The following TRDN variants were observed in gnomAD, a reference collection of about 807,000 sequenced individuals.
TRDN encodes triadin.
A neutral mutation model predicts 149.7 loss-of-function variants in TRDN; 161 were observed. The ratio of observed to expected loss-of-function variants is 1.08; its 90% CI spans 0.95 to 1.23. The LOEUF (loss-of-function observed/expected upper bound fraction) is 1.23. Ranked by LOEUF, TRDN falls within the 50% of genes most tolerant of loss-of-function variation. The probability of loss-of-function intolerance (pLI) is 0.00; values close to 1 mark genes in which losing one functional copy is unlikely to be tolerated. For synonymous variants in TRDN, 294 were observed against 250.5 expected, an observed-to-expected ratio of 1.17 and a Z score of -1.64; for missense variants, 896 against 823.5, an observed-to-expected ratio of 1.09 and a Z score of -1.08.
At chr6:123,458,134 A>G (rs1776241167) in intron 10 of TRDN, among the ~76,000 whole-genome samples, 1 of 152,038 alleles carries the variant, frequency 6.6e-6, no homozygotes, top group Admixed American at 6.5e-5. Context: ...ACAAATGTAA[A>G]TTTTCCTGGC....
chr6:123,347,556 T>C (rs1026901513), intron 21 of TRDN, among the ~76,000 whole-genome samples: 1 of 152,066 alleles, frequency 6.6e-6, no homozygotes, highest in Non-Finnish European at 1.5e-5. Context: ...AGCAAAACTT[T>C]AAATATTGTC....
chr6:123,255,806 G>T, intron 36 of TRDN, 61 bp downstream of exon 36: 4 of 1,147,192 alleles, frequency 3.5e-6, no homozygotes, highest in South Asian at 3.8e-5. Context: ...AATACATTTT[G>T]ACTTAAAATA....
chr6:123,489,412 C>T (rs1000209684), intron 9 of TRDN: 1 of 151,964 alleles, frequency 6.6e-6, no homozygotes, highest in African/African-American at 2.4e-5. Flanking sequence ...CTATCAGGGT[C>T]CACTGGAGTC....
chr6:123,560,753 T>A (rs182459176), intron 2 of TRDN, among the ~76,000 whole-genome samples: 186 of 152,276 alleles, frequency 1.2e-3, no homozygotes, highest in African/African-American at 4.3e-3. Context: ...AGGCAAATGG[T>A]TCTTGGACCA....
At chr6:123,340,811 C>T (rs1554226212) in intron 21 of TRDN, among the ~76,000 whole-genome samples, 6 of 151,936 alleles carry the variant, frequency 3.9e-5, no homozygotes, top group Non-Finnish European at 8.8e-5. Flanking sequence ...GATAATTTCC[C>T]AGAGTGTAAC....
At chr6:123,292,646 C>A (rs1220477212) in intron 24 of TRDN, among the ~76,000 whole-genome samples, 2 of 152,220 alleles carry the variant, frequency 1.3e-5, no homozygotes, top group East Asian at 3.9e-4. Context: ...AATGGAAGGG[C>A]CCTTATCAGG....
chr6:123,464,753 GC>G, intron 10 of TRDN, 152 bp downstream of exon 10: 2 of 1,403,560 alleles, frequency 1.4e-6, no homozygotes, highest in Non-Finnish European at 1.9e-6. Context: ...GAAGCAAATT[GC>G]AATTTTAGGA....
intron 1 of TRDN, among the ~76,000 whole-genome samples, chr6:123,625,541 A>G (rs781680572): frequency 2.0e-5 from 3 of 152,200 alleles, no homozygotes; most frequent in Non-Finnish European, 4.4e-5. Flanking sequence ...TGATAGCACA[A>G]TAGTGACTAC....
In TRDN at chr6:123,636,882, G is replaced by A; in HGVS notation, c.-107C>T. 10 of 1,335,962 alleles carry A rather than the reference G, an allele frequency of 7.5e-6. No homozygotes were observed. Among genetic ancestry groups the A allele is most frequent in the Non-Finnish European group, 1.1e-5 (10 of 937,498 alleles). The allele number at this position is 1,335,962 out of a possible 1,614,324, so 82.8% of individuals were successfully genotyped here. A position where few individuals can be genotyped will look rare whatever the true frequency, so the allele number is the denominator to read the frequency against. Reference sequence around the variant, plus strand: ...GGTGGAGGGTTCTGTGTCAAAACCTGGGGGCTCTTCGTTTTCCTGGCTGTT... The same window carrying A: ...GGTGGAGGGTTCTGTGTCAAAACCTAGGGGCTCTTCGTTTTCCTGGCTGTT... On this transcript the variant is annotated 5_prime_UTR_variant, in exon 1 of 41. Coordinates refer to ENST00000334268, the MANE Select transcript of TRDN (RefSeq NM_006073.4).
At position 123,272,991 on chromosome 6, in the gene TRDN, C is replaced by T; in HGVS notation, c.1645G>A (p.Glu549Lys). The change falls in exon 29 of 41, where the codon GAA becomes AAA. Residue 549 changes from glutamate to lysine, a missense_variant. By Grantham distance (56) the Glu-to-Lys change is moderately conservative. Transcript: ENST00000334268. ...GGTTTACCATGAGAAACAGTCTTTTCTGGTTTCACTATGTCTTGTTCTGAA... is the reference window on the plus strand; with the variant it reads ...GGTTTACCATGAGAAACAGTCTTTTTTGGTTTCACTATGTCTTGTTCTGAA... ...QIHKQDIVKP[E>K]KTVSHGKPEE... 2 of 1,527,722 alleles carry T rather than the reference C, an allele frequency of 1.3e-6. No individual in the cohort carries two copies. 94.6% of individuals were successfully genotyped at this position (1,527,722 alleles called of 1,614,324 possible).
intron 40 of TRDN, among the ~76,000 whole-genome samples, chr6:123,220,400 A>T (rs750981332): frequency 2.6e-5 from 4 of 151,894 alleles, no homozygotes; most frequent in Non-Finnish European, 5.9e-5. Context: ...TGACATAGCC[A>T]CAAATTATTA....
chr6:123,522,276 A>G (rs1333021660), intron 5 of TRDN, among the ~76,000 whole-genome samples: 1 of 152,132 alleles, frequency 6.6e-6, no homozygotes, highest in African/African-American at 2.4e-5. Context: ...ATATTTAGTT[A>G]TATATTTACC....
At chr6:123,421,129 C>A (rs1310473284) in intron 12 of TRDN, among the ~76,000 whole-genome samples, 2 of 152,090 alleles carry the variant, frequency 1.3e-5, no homozygotes, top group African/African-American at 4.8e-5. Flanking sequence ...TACATGTTTT[C>A]TTTTCCTTCC....
intron 1 of TRDN, among the ~76,000 whole-genome samples, chr6:123,576,129 C>T (rs1782843071): frequency 1.3e-5 from 2 of 152,082 alleles, no homozygotes; most frequent in East Asian, 1.9e-4. Flanking sequence ...ACTTTAAGAA[C>T]ATAATTCCCA....
intron 10 of TRDN, chr6:123,445,190 A>T (rs1181312686): frequency 6.6e-6 from 1 of 151,860 alleles, no homozygotes; most frequent in Non-Finnish European, 1.5e-5. Flanking sequence ...TACTGCCACA[A>T]TTTCAGATCC....
At chr6:123,297,362 T>C (rs1475212884) in intron 24 of TRDN, among the ~76,000 whole-genome samples, 1 of 152,022 alleles carries the variant, frequency 6.6e-6, no homozygotes, top group Non-Finnish European at 1.5e-5. Flanking sequence ...AAGAGACTGT[T>C]TAGTAGCAAA....
chr6:123,469,614 T>G (rs1291931188), intron 9 of TRDN: 1 of 152,354 alleles, frequency 6.6e-6, no homozygotes, highest in Non-Finnish European at 1.5e-5. Flanking sequence ...CACTGTACTT[T>G]GCGTTTCTTT....
chr6:123,634,678 T>C (rs1465218456), intron 1 of TRDN, among the ~76,000 whole-genome samples: 1 of 151,984 alleles, frequency 6.6e-6, no homozygotes, highest in Non-Finnish European at 1.5e-5. Flanking sequence ...AAAGAATGAC[T>C]GTGCTTCCTT....
chr6:123,511,302 T>A (rs1209908160), intron 7 of TRDN, among the ~76,000 whole-genome samples: 1 of 152,134 alleles, frequency 6.6e-6, no homozygotes, highest in Non-Finnish European at 1.5e-5. Flanking sequence ...AATAATTTAT[T>A]GTATATTTTA....
Sources: gnomAD v4.1 joint callset for allele counts (sites outside exome capture counted in the v4.1 genomes callset) on GRCh38, gnomAD v4.1.1 for gene constraint, MANE v1.5 for transcripts, NCBI Gene and HGNC (gene_info 2026-07-23, HGNC 2026-07-21) for gene names.